L3MBTL1: variants seen among roughly 807,000 people sequenced by gnomAD.
The protein encoded by L3MBTL1 is lethal(3)malignant brain tumor-like protein 1.
L3MBTL1 carries 75 observed loss-of-function variants against 105.3 expected under a neutral mutation model. The observed-to-expected ratio is 0.71, with a 90% CI of 0.59 to 0.86. L3MBTL1 has a LOEUF of 0.86. Ranked by LOEUF, L3MBTL1 falls within the 40% of genes least tolerant of loss-of-function variation. The probability of loss-of-function intolerance (pLI) is 0.00; values close to 1 mark genes in which losing one functional copy is unlikely to be tolerated. For missense variants in L3MBTL1, 1,069 were observed against 1,126.4 expected (o/e 0.95, Z 0.73); for synonymous variants, 452 against 436.2 (o/e 1.04, Z -0.45).
chr20:43,535,169 A>G (rs1041546948), intron 16 of L3MBTL1, among the ~76,000 whole-genome samples: 8 of 152,000 alleles, frequency 5.3e-5, no homozygotes, highest in Admixed American at 1.3e-4. Flanking sequence ...TTGAGGTGCA[A>G]AGGGGCAAGC....
Position 43,534,024 on chromosome 20 carries a change from TA to T in L3MBTL1, c.1532del (p.Asn511ThrfsTer33). On this transcript the variant is annotated frameshift_variant, in exon 14 of 22. Transcript: ENST00000418998. LOFTEE classifies it high-confidence loss of function. Reference sequence around the variant, plus strand: ...CTCCTCCAGACTACCCAGACCCTGATAACTTCTGTTGGGAGAAATATCTGGA... The same window carrying T: ...CTCCTCCAGACTACCCAGACCCTGATACTTCTGTTGGGAGAAATATCTGGA... ...TPPQDYPDPDNFCWEKYLEET... is the reference protein window; with the variant it reads ...TPPQDYPDPDXFCWEKYLEET... The T allele has an allele frequency of 6.2e-7, 1 of 1,614,044 alleles. No homozygotes were observed.
rs773943593 is a variant in L3MBTL1, at chr20:43,529,317, A to G, written c.1005A>G (p.Glu335=). The G allele has an allele frequency of 6.2e-7, 1 of 1,613,496 alleles. No individual in the cohort carries two copies. Among genetic ancestry groups the G allele is most frequent in the Non-Finnish European group, 8.5e-7 (1 of 1,179,840 alleles). The change falls in exon 9 of 22, where the codon GAA becomes GAG. Residue 335 remains glutamate (E), a synonymous_variant. Transcript: ENST00000418998. ...KNGFKLGMKL[E]GIDPQHPSMY... is the part of the protein sequence containing the mutation. ...GCTTCAAACTGGGCATGAAGTTGGA[A>G]GGCATTGACCCTCAACACCCGTCCA... is the stretch of plus-strand genomic sequence containing the variant.
chr20:43,514,059 C>G lies in L3MBTL1; in HGVS notation c.358C>G (p.Arg120Gly). ...AAAPPPGGGL[R>G]FRISEYKPLN... is the part of the protein sequence containing the mutation. The stretch of plus-strand genomic sequence containing the variant: ...GGCCCCGCCCCCAGGGGGCGGCCTG[C>G]GGGTCAGTGTCTGTGGGGATTGGCT... Residue 120 changes from arginine (R) to glycine (G), a missense_variant and splice_region_variant, in exon 3 of 22, where the codon CGG (arginine) becomes GGG (glycine). Arg to Gly is a moderately radical substitution (Grantham distance 125). Coordinates refer to ENST00000418998, the MANE Select transcript of L3MBTL1 (RefSeq NM_001377303.1). 2.0e-6 allele frequency: 3 copies of G among 1,532,666 alleles called. No homozygotes were observed. The highest frequency in any genetic ancestry group is 2.6e-6 in the Non-Finnish European group (3 of 1,145,442). 94.9% of individuals were successfully genotyped at this position (1,532,666 alleles called of 1,614,324 possible).
intron 7 of L3MBTL1, among the ~76,000 whole-genome samples, chr20:43,525,392 A>G (rs1275380150): frequency 6.9e-6 from 1 of 144,160 alleles, no homozygotes; most frequent in Non-Finnish European, 1.5e-5. Context: ...CCTTTGTACA[A>G]GTTATTAAAA....
Position 43,529,014 on chromosome 20 carries a change from A to C in L3MBTL1, c.952-250A>C, listed in dbSNP as rs1360510288. The C allele has an allele frequency of 2.0e-5, 12 of 601,820 alleles. No homozygotes were observed. The East Asian group carries it at 2.5e-4, about 12-fold the overall frequency. The allele number at this position is 601,820 out of a possible 1,614,324, so 37.3% of individuals were successfully genotyped here. On this transcript the variant is annotated intron_variant, in intron 8 of 21. Coordinates refer to ENST00000418998, the MANE Select transcript of L3MBTL1 (RefSeq NM_001377303.1). ...TCTGGTGACTTCTACTCAATTCAGC[A>C]TTGATCTTTCCATGACTTTGGTGAG...
downstream of L3MBTL1, among the ~76,000 whole-genome samples, chr20:43,546,387 A>T (rs1385414854): frequency 2.6e-5 from 4 of 152,194 alleles, no homozygotes; most frequent in Non-Finnish European, 5.9e-5. Context: ...GTCAGCACTT[A>T]TAAGCTAGGT....
downstream of L3MBTL1, among the ~76,000 whole-genome samples, chr20:43,545,555 C>G (rs1024830694): frequency 6.6e-6 from 1 of 152,124 alleles, no homozygotes; most frequent in Non-Finnish European, 1.5e-5. Context: ...AGCAGTATCT[C>G]CAGTGCTTCC....
intron 5 of L3MBTL1, 51 bp from the exon 6 acceptor site, chr20:43,515,241 C>T (rs752141763): frequency 1.2e-6 from 2 of 1,612,696 alleles, no homozygotes; most frequent in South Asian, 1.1e-5. Context: ...AGGAGAGGGG[C>T]TGGGTGGTGC....
At chr20:43,538,534 G>A (rs2019747354) in intron 19 of L3MBTL1, among the ~76,000 whole-genome samples, 1 of 152,194 alleles carries the variant, frequency 6.6e-6, no homozygotes, top group South Asian at 2.1e-4. Flanking sequence ...ATACTGGTGG[G>A]TAGACCTCCT....
chr20:43,537,122 ACTC>A (rs1403619520), intron 19 of L3MBTL1, among the ~76,000 whole-genome samples: 1 of 151,952 alleles, frequency 6.6e-6, no homozygotes, highest in Non-Finnish European at 1.5e-5. Flanking sequence ...ATCTGGCCTG[ACTC>A]CTCCTGCTGC....
chr20:43,528,570 T>C (rs2019153597), intron 7 of L3MBTL1, 87 bp from the exon 8 acceptor site: 1 of 926,676 alleles, frequency 1.1e-6, no homozygotes, highest in African/African-American at 1.6e-5. Context: ...GTTTTGGGGG[T>C]GAAGGTAGAG....
chr20:43,535,092 C>T (rs746882773), intron 16 of L3MBTL1, 150 bp downstream of exon 16: 76 of 607,670 alleles, frequency 1.3e-4, no homozygotes, highest in Middle Eastern at 7.8e-4. Context: ...CCCATCTGCC[C>T]CACCCCCGGA....
At chr20:43,542,492 A>G (rs537544429), downstream of L3MBTL1, among the ~76,000 whole-genome samples, 1 of 152,166 alleles carries the variant, frequency 6.6e-6, no homozygotes, top group African/African-American at 2.4e-5. Context: ...ATAGAGAGAT[A>G]GGCACACATC....
intron 3 of L3MBTL1, 72 bp downstream of exon 3, chr20:43,514,133 T>G (rs2018227982): frequency 7.6e-7 from 1 of 1,313,306 alleles, no homozygotes; most frequent in Non-Finnish European, 1.1e-6. Context: ...GCCCGGAGGC[T>G]GGACCTGAGA....
rs1176856356 is a variant in L3MBTL1 at position 43,522,457 on chromosome 20, G to GT, written c.863-6169dup. 4.2e-3 allele frequency among the ~76,000 whole-genome samples: 405 copies of GT among 95,800 alleles called. 53 individuals are homozygous for GT. The highest frequency in any genetic ancestry group is 0.015 in the African/African-American group (315 of 21,330). 62.8% of individuals were successfully genotyped at this position (95,800 alleles called of 152,430 possible). A position where few individuals can be genotyped will look rare whatever the true frequency, so the allele number is the denominator to read the frequency against. On this transcript the variant is annotated intron_variant, in intron 7 of 21. Coordinates refer to ENST00000418998, the MANE Select transcript of L3MBTL1 (RefSeq NM_001377303.1). ...TGGTAACTGAATTTTTCCCTGCTAA[G>GT]TTTTTTTTTTTTTTTTTTTTTTTTT...
At chr20:43,514,146 G>A in intron 3 of L3MBTL1, 85 bp downstream of exon 3, 1 of 1,183,294 alleles carries the variant, frequency 8.5e-7, no homozygotes, top group African/African-American at 1.5e-5. Flanking sequence ...ACCTGAGACG[G>A]AAGTGGGGGA....
downstream of L3MBTL1, among the ~76,000 whole-genome samples, chr20:43,545,131 G>A (rs1381633975): frequency 1.3e-5 from 2 of 152,022 alleles, no homozygotes; most frequent in Non-Finnish European, 2.9e-5. Flanking sequence ...AGGCATGGTG[G>A]CGCACATCCG....
chr20:43,526,282 G>A (rs2019028683), intron 7 of L3MBTL1, among the ~76,000 whole-genome samples: 1 of 152,130 alleles, frequency 6.6e-6, no homozygotes, highest in African/African-American at 2.4e-5. Context: ...TGTTGGGAAG[G>A]GTTCTGTCAT....
Position 43,540,924 on chromosome 20 carries a change from G to A in L3MBTL1, c.2395-10G>A, listed in dbSNP as rs187744984. ...CTTCTGCTAAGGAGGGACCCGTGTT[G>A]CCCCACCAGGCAAGAATAGTCAGAG... On this transcript the variant is annotated splice_polypyrimidine_tract_variant and intron_variant, in intron 21 of 21. Transcript: ENST00000418998. 4.1e-4 allele frequency: 659 copies of A among 1,613,830 alleles called. No individual in the cohort carries two copies. In the African/African-American group the frequency reaches 7.1e-3, roughly 17 times the overall value.
Sources: allele counts gnomAD v4.1 joint callset (sites outside exome capture counted in the v4.1 genomes callset), GRCh38; gene constraint gnomAD v4.1.1; transcripts MANE v1.5; gene names NCBI Gene and HGNC (gene_info 2026-07-23, HGNC 2026-07-21).